Variants in GABRG2 observed in about 807,000 individuals in gnomAD.
GABRG2 encodes the protein gamma-aminobutyric acid type A receptor subunit gamma2.
In GABRG2, 16 loss-of-function variants were observed where a neutral mutation model predicts 56.4. That is an observed-to-expected ratio of 0.28 (90% CI 0.19 to 0.43). The LOEUF is 0.43. GABRG2 is among the 20% of genes least tolerant of loss of function. The probability of loss-of-function intolerance (pLI) is 1.00; values close to 1 mark genes in which losing one functional copy is unlikely to be tolerated. For missense variants in GABRG2, 327 were observed against 582.7 expected, an observed-to-expected ratio of 0.56 and a Z score of 4.52; for synonymous variants, 208 against 205.5, an observed-to-expected ratio of 1.01 and a Z score of -0.10.
chr5:162,110,169 C>T (rs1762154332), intron 6 of GABRG2, among the ~76,000 whole-genome samples: 1 of 151,872 alleles, frequency 6.6e-6, no homozygotes, highest in African/African-American at 2.4e-5. Context: ...ATCTGTGTAC[C>T]ACTAAATTTA....
intron 7 of GABRG2, 54 bp downstream of exon 7, chr5:162,142,370 T>A: frequency 1.3e-6 from 2 of 1,558,456 alleles, no homozygotes; most frequent in Middle Eastern, 1.7e-4. Flanking sequence ...CAAATACAAG[T>A]AATTTTTATG....
At chr5:162,113,576 A>G (rs1170217360) in intron 6 of GABRG2, among the ~76,000 whole-genome samples, 3 of 152,188 alleles carry the variant, frequency 2.0e-5, no homozygotes, top group Non-Finnish European at 1.5e-5. Flanking sequence ...TGCCAACAAG[A>G]CTCAAAGATG....
At chr5:162,099,320 G>A (rs1442000393) in intron 4 of GABRG2, 2 of 152,104 alleles carry the variant, frequency 1.3e-5, no homozygotes, top group East Asian at 3.9e-4. Context: ...CCGCTGGAGT[G>A]CAGTGGCATG....
chr5:162,077,829 C>T (rs1759262475), intron 1 of GABRG2, among the ~76,000 whole-genome samples: 1 of 152,074 alleles, frequency 6.6e-6, no homozygotes, highest in South Asian at 2.1e-4. Flanking sequence ...ATGCTCACTC[C>T]AATGTGGCTA....
intron 5 of GABRG2, chr5:162,103,081 A>T (rs2113365574): frequency 6.5e-6 from 1 of 154,118 alleles, no homozygotes; most frequent in African/African-American, 2.4e-5. Context: ...ACTTCATAAT[A>T]ATGTTTATCC....
intron 1 of GABRG2, among the ~76,000 whole-genome samples, chr5:162,089,423 AG>A (rs1760389233): frequency 6.6e-6 from 1 of 152,156 alleles, no homozygotes. Flanking sequence ...CACAATTTAG[AG>A]GTGACAATGG....
intron 6 of GABRG2, chr5:162,129,385 A>ATT (rs1271494581): frequency 6.6e-6 from 1 of 152,030 alleles, no homozygotes; most frequent in African/African-American, 2.4e-5. Flanking sequence ...TTAACGTGAA[A>ATT]AAGATTAAAA....
chr5:162,068,960 T>C (rs1237572292), intron 1 of GABRG2, among the ~76,000 whole-genome samples: 4 of 152,116 alleles, frequency 2.6e-5, no homozygotes, highest in East Asian at 1.9e-4. Context: ...TTGGAAAATA[T>C]GCTGAACCAG....
chr5:162,104,092 TAGA>T (rs1379687109), intron 6 of GABRG2, 66 bp downstream of exon 6: 29 of 1,506,338 alleles, frequency 1.9e-5, no homozygotes, highest in Non-Finnish European at 5.5e-6. Context: ...ATATATGAAT[TAGA>T]AGATTTTTCA....
intron 1 of GABRG2, among the ~76,000 whole-genome samples, chr5:162,092,891 G>A (rs1027221956): frequency 2.0e-5 from 3 of 152,058 alleles, no homozygotes; most frequent in African/African-American, 7.2e-5. Context: ...AATGGAAATG[G>A]CAGCTTTTGC....
intron 5 of GABRG2, chr5:162,102,962 A>G (rs976506840): frequency 6.5e-6 from 1 of 154,930 alleles, no homozygotes; most frequent in African/African-American, 2.4e-5. Context: ...TAATCTTTAC[A>G]TGGCATTATT....
At chr5:162,106,413 T>C (rs1761830001) in intron 6 of GABRG2, among the ~76,000 whole-genome samples, 1 of 152,166 alleles carries the variant, frequency 6.6e-6, no homozygotes, top group Non-Finnish European at 1.5e-5. Flanking sequence ...AGGGCTGAAT[T>C]GAACATTAGT....
In GABRG2 at chr5:162,103,740, C is replaced by T. The variant is rs1761605661; in HGVS notation, c.632-149C>T. 5.4e-5 allele frequency: 43 copies of T among 796,214 alleles called. 2 individuals carry two copies. In the South Asian group the frequency reaches 6.4e-4, roughly 12 times the overall value. 49.3% of individuals were successfully genotyped at this position (796,214 alleles called of 1,614,324 possible). Reference sequence around the variant, plus strand: ...ATGCAAAGTCATTGCAATTTATGTTCTCATTGCAATGCCCTTTGGTCCAAG... The same window carrying T: ...ATGCAAAGTCATTGCAATTTATGTTTTCATTGCAATGCCCTTTGGTCCAAG... On this transcript the variant is annotated intron_variant, in intron 5 of 9. Transcript: ENST00000639213.
chr5:162,125,908 G>A (rs1385563467), intron 6 of GABRG2, among the ~76,000 whole-genome samples: 2 of 151,862 alleles, frequency 1.3e-5, no homozygotes, highest in Admixed American at 1.3e-4. Flanking sequence ...ACAAATAAGA[G>A]ATGTTGTTCC....
At chr5:162,123,700 T>C (rs922246485) in intron 6 of GABRG2, among the ~76,000 whole-genome samples, 2 of 151,808 alleles carry the variant, frequency 1.3e-5, no homozygotes, top group African/African-American at 4.8e-5. Flanking sequence ...CTATTAATCA[T>C]TGTAGTAGCT....
intron 1 of GABRG2, among the ~76,000 whole-genome samples, chr5:162,073,272 T>C (rs944501266): frequency 6.6e-6 from 1 of 151,968 alleles, no homozygotes; most frequent in Non-Finnish European, 1.5e-5. Context: ...ATTAGGTTTT[T>C]TTTTTAATAT....
At chr5:162,121,598 T>C (rs1762983019) in intron 6 of GABRG2, among the ~76,000 whole-genome samples, 1 of 152,094 alleles carries the variant, frequency 6.6e-6, no homozygotes, top group South Asian at 2.1e-4. Context: ...TACAAGCTCT[T>C]TTTGTATTTG....
At chr5:162,133,396 T>C (rs1306145615) in intron 6 of GABRG2, among the ~76,000 whole-genome samples, 5 of 152,120 alleles carry the variant, frequency 3.3e-5, no homozygotes, top group Admixed American at 6.6e-5. Flanking sequence ...ATTATCATGA[T>C]TGCATGTGCT....
At chr5:162,143,865 T>A (rs1326701042) in intron 7 of GABRG2, among the ~76,000 whole-genome samples, 4 of 152,210 alleles carry the variant, frequency 2.6e-5, no homozygotes, top group Non-Finnish European at 1.5e-5. Context: ...AAATGGTCTG[T>A]ACTAAGTTAT....
Sources: gnomAD v4.1 joint callset for allele counts (sites outside exome capture counted in the v4.1 genomes callset) on GRCh38, gnomAD v4.1.1 for gene constraint, MANE v1.5 for transcripts, NCBI Gene and HGNC (gene_info 2026-07-23, HGNC 2026-07-21) for gene names.